CFAP46: variants seen among roughly 807,000 people sequenced by gnomAD.
CFAP46 encodes cilia and flagella associated protein 46, also known as cilia- and flagella-associated protein 46.
In CFAP46, 245 loss-of-function variants were observed where a neutral mutation model predicts 325.7. The ratio of observed to expected loss-of-function variants is 0.75; its 90% CI spans 0.68 to 0.84. The LOEUF (loss-of-function observed/expected upper bound fraction) is 0.84. CFAP46 is among the 40% of genes least tolerant of loss of function. The pLI, the probability that CFAP46 is intolerant of heterozygous loss-of-function variation, is 0.00. For synonymous variants in CFAP46, 1,523 were observed against 1,495.9 expected (o/e 1.02, Z -0.42); for missense variants, 3,346 against 3,543.0 (o/e 0.94, Z 1.41).
chr10:132,818,004 C>T (rs1191209350), intron 50 of CFAP46, among the ~76,000 whole-genome samples: 1 of 152,248 alleles, frequency 6.6e-6, no homozygotes, highest in Non-Finnish European at 1.5e-5. Context: ...AGGGCTTTCT[C>T]ATCACCTGGG....
rs970197202 is a variant in CFAP46 at position 132,832,395 on chromosome 10, C to CA, written c.7117+962_7117+963insT. Reference sequence around the variant, plus strand: ...GACCCCTGGGCTCTTCCTGCCCCCCCCCCCCAATGCTGTGGCCTGGAAATT... The same window carrying CA: ...GACCCCTGGGCTCTTCCTGCCCCCCCACCCCCAATGCTGTGGCCTGGAAATT... On this transcript the variant is annotated intron_variant, in intron 50 of 57. Coordinates refer to ENST00000368586, the MANE Select transcript of CFAP46 (RefSeq NM_001200049.3). This position sits in a 1 kb window ranked among gnomAD's most constrained non-coding sequence, Gnocchi z 4.1. Among the ~76,000 whole-genome samples the CA allele has an allele frequency of 1.7e-4, 24 of 140,900 alleles. No individual in the cohort carries two copies. The highest frequency in any genetic ancestry group is 5.8e-4 in the African/African-American group (22 of 37,742). The allele number at this position is 140,900 out of a possible 152,430, so 92.4% of individuals were successfully genotyped here. A position where few individuals can be genotyped will look rare whatever the true frequency, so the allele number is the denominator to read the frequency against.
At chr10:132,848,428 G>T (rs1316476404) in intron 41 of CFAP46, among the ~76,000 whole-genome samples, 2 of 152,154 alleles carry the variant, frequency 1.3e-5, no homozygotes, top group African/African-American at 4.8e-5. Flanking sequence ...GCACTGGTGA[G>T]TCGGGGGGAG....
In CFAP46 at chr10:132,832,872, G is replaced by C. The variant is rs1486307045; in HGVS notation, c.7117+486C>G. On this transcript the variant is annotated intron_variant, in intron 50 of 57. Transcript: ENST00000368586. The surrounding 1 kb of genome is among the most constrained non-coding windows in gnomAD (Gnocchi z 4.1). ...CCCCTCCTTTGAAACAGGTATTTGT[G>C]GGGGCAAGAACAGCGTTAAGTTTGT... 4.3e-6 allele frequency: 2 copies of C among 466,510 alleles called. No individual in the cohort carries two copies. Among genetic ancestry groups the C allele is most frequent in the South Asian group, 1.6e-5 (1 of 64,458 alleles). 28.9% of individuals were successfully genotyped at this position (466,510 alleles called of 1,614,324 possible).
intron 24 of CFAP46, among the ~76,000 whole-genome samples, chr10:132,893,949 G>A (rs943846110): frequency 3.3e-5 from 5 of 152,016 alleles, no homozygotes; most frequent in African/African-American, 1.2e-4. Flanking sequence ...AACACACTTT[G>A]AGGTTGCTGC....
At chr10:132,831,741 G>C (rs1311722749) in intron 50 of CFAP46, among the ~76,000 whole-genome samples, 1 of 151,978 alleles carries the variant, frequency 6.6e-6, no homozygotes, top group African/African-American at 2.4e-5. Context: ...TGATAGATAT[G>C]GTTGGGTTGA....
At chr10:132,823,296 T>G (rs1252936840) in intron 50 of CFAP46, among the ~76,000 whole-genome samples, 1 of 102,150 alleles carries the variant, frequency 9.8e-6, no homozygotes, top group African/African-American at 4.0e-5. Flanking sequence ...GTGCTGTGTG[T>G]TGTGTGTGCT....
intron 21 of CFAP46, 145 bp from the exon 22 acceptor site, chr10:132,908,779 G>T (rs879835074): frequency 1.9e-6 from 2 of 1,064,764 alleles, no homozygotes; most frequent in East Asian, 2.6e-5. Context: ...AAGCTGAGCT[G>T]CCACGTCCGT....
intron 50 of CFAP46, among the ~76,000 whole-genome samples, chr10:132,818,361 A>G (rs1847734042): frequency 6.6e-6 from 1 of 152,194 alleles, no homozygotes; most frequent in African/African-American, 2.4e-5. Context: ...AGATGCATTT[A>G]GAGGATGTCA....
In CFAP46 at chr10:132,832,038, C is replaced by G. The variant is rs553974241; in HGVS notation, c.7117+1320G>C. 6.6e-6 allele frequency among the ~76,000 whole-genome samples: 1 copy of G among 152,186 alleles called. No individual in the cohort carries two copies. The highest frequency in any genetic ancestry group is 1.5e-5 in the Non-Finnish European group (1 of 68,032). On this transcript the variant is annotated intron_variant, in intron 50 of 57. Transcript: ENST00000368586. The surrounding 1 kb of genome is among the most constrained non-coding windows in gnomAD (Gnocchi z 4.1). ...TAAATACTTTGCTTCCATTCCCTCC[C>G]TCTCATCTTTTGTGCTGTCGTCATT... is the stretch of plus-strand genomic sequence containing the variant.
intron 17 of CFAP46, among the ~76,000 whole-genome samples, chr10:132,913,493 C>T (rs994564056): frequency 6.6e-6 from 1 of 152,238 alleles, no homozygotes; most frequent in African/African-American, 2.4e-5. Context: ...GAGCGCGAAC[C>T]CTATTGCGAT....
chr10:132,880,103 T>G (rs1849016419), intron 28 of CFAP46, among the ~76,000 whole-genome samples: 3 of 148,574 alleles, frequency 2.0e-5, no homozygotes, highest in African/African-American at 7.8e-5. Flanking sequence ...TGCGCACGTG[T>G]GTGTGTGTGC....
chr10:132,893,551 C>T (rs1380262283), intron 24 of CFAP46, among the ~76,000 whole-genome samples: 1 of 151,130 alleles, frequency 6.6e-6, no homozygotes, highest in African/African-American at 2.4e-5. Context: ...TTCCTTTCTA[C>T]CCAATAAAAT....
intron 40 of CFAP46, 100 bp from the exon 41 acceptor site, chr10:132,850,532 G>A: frequency 8.7e-7 from 1 of 1,148,950 alleles, no homozygotes; most frequent in Non-Finnish European, 1.2e-6. Context: ...CCCTGTGGGT[G>A]GGAACACTGG....
At chr10:132,879,373 C>G (rs867969929) in intron 29 of CFAP46, 53 bp downstream of exon 29, 1 of 1,430,476 alleles carries the variant, frequency 7.0e-7, no homozygotes, top group Admixed American at 2.8e-5. Context: ...CCCCAGCCCG[C>G]GGCCCGTCCC....
rs1010887170 is a variant in CFAP46, at chr10:132,919,590, C to T, written c.1731-148G>A. The T allele has an allele frequency of 6.7e-5, 73 of 1,086,786 alleles. No individual in the cohort carries two copies. Among genetic ancestry groups the T allele is most frequent in the Non-Finnish European group, 8.2e-5 (64 of 780,098 alleles). 67.3% of individuals were successfully genotyped at this position (1,086,786 alleles called of 1,614,324 possible). On this transcript the variant is annotated intron_variant, in intron 14 of 57. Transcript: ENST00000368586. The surrounding 1 kb of genome is among the most constrained non-coding windows in gnomAD (Gnocchi z 9.7). Reference sequence around the variant, plus strand: ...AGGAGCCCGGCACTCGCGCTGGGTACGGCCTGGCGGGTGCATGTCCCAGGG... The same window carrying T: ...AGGAGCCCGGCACTCGCGCTGGGTATGGCCTGGCGGGTGCATGTCCCAGGG...
intron 29 of CFAP46, among the ~76,000 whole-genome samples, chr10:132,878,868 G>A (rs1298323482): frequency 6.6e-6 from 1 of 152,240 alleles, no homozygotes; most frequent in African/African-American, 2.4e-5. Context: ...GGTGTAGCCT[G>A]CGGGAGGCCT....
At chr10:132,809,492 C>T (rs1847535029) in intron 57 of CFAP46, among the ~76,000 whole-genome samples, 1 of 152,212 alleles carries the variant, frequency 6.6e-6, no homozygotes, top group Non-Finnish European at 1.5e-5. Flanking sequence ...CTCTCTCCCC[C>T]AACAAGCAGG....
chr10:132,825,078 C>T (rs368309619), intron 50 of CFAP46, among the ~76,000 whole-genome samples: 2,571 of 82,972 alleles, frequency 0.031, 44 homozygotes, highest in South Asian at 0.16. Flanking sequence ...GCTGTGTGTG[C>T]GCTGATGTGT....
At chr10:132,908,339 G>T in intron 22 of CFAP46, 129 bp downstream of exon 22, 2 of 1,164,758 alleles carry the variant, frequency 1.7e-6, no homozygotes, top group South Asian at 1.5e-5. Context: ...TCGCGGCCCA[G>T]GCCCGCGCTC....
Sources: allele counts gnomAD v4.1 joint callset (sites outside exome capture counted in the v4.1 genomes callset), GRCh38; gene constraint gnomAD v4.1.1; non-coding constraint Gnocchi (gnomAD v3.1); transcripts MANE v1.5; gene names NCBI Gene and HGNC (gene_info 2026-07-23, HGNC 2026-07-21).